The following MMAA variants were observed in gnomAD, a reference collection of about 807,000 sequenced individuals.
MMAA encodes metabolism of cobalamin associated A, also known as methylmalonic aciduria type A protein, mitochondrial.
In MMAA, 41 loss-of-function variants were observed where a neutral mutation model predicts 45.0. That is an observed-to-expected ratio of 0.91 (90% CI 0.71 to 1.18). The LOEUF (loss-of-function observed/expected upper bound fraction) is 1.18. MMAA is among the 50% of genes most tolerant of loss of function. MMAA has a pLI of 0.00. For synonymous variants in MMAA, 154 were observed against 178.2 expected, an observed-to-expected ratio of 0.86 and a Z score of 1.08; for missense variants, 460 against 495.7, an observed-to-expected ratio of 0.93 and a Z score of 0.68.
chr4:145,624,454 T>C, intron 1 of MMAA: 3 of 834,272 alleles, frequency 3.6e-6, no homozygotes, highest in Non-Finnish European at 6.1e-6. Context: ...TTGCCAGCTT[T>C]GTCTTCAGTA....
In MMAA at chr4:145,659,138, G is replaced by T. The variant is rs1215456971; in HGVS notation, c.*3704G>T. 6.6e-6 allele frequency: 1 copy of T among 151,900 alleles called. No individual in the cohort carries two copies. Among genetic ancestry groups the T allele is most frequent in the African/African-American group, 2.4e-5 (1 of 41,344 alleles). 9.4% of individuals were successfully genotyped at this position (151,900 alleles called of 1,614,324 possible). On this transcript the variant is annotated 3_prime_UTR_variant, in exon 7 of 7. Transcript: ENST00000649156. ...CAATCAGAAAAACTCTTTAACAAATGTTTTTCTTTCCGTAGTATTTTAATT... is the reference window on the plus strand; with the variant it reads ...CAATCAGAAAAACTCTTTAACAAATTTTTTTCTTTCCGTAGTATTTTAATT...
intron 1 of MMAA, among the ~76,000 whole-genome samples, chr4:145,632,390 A>G (rs1006154624): frequency 3.3e-5 from 5 of 151,918 alleles, no homozygotes; most frequent in African/African-American, 1.2e-4. Context: ...GCTCCATTGT[A>G]TGTTGTTTGT....
At chr4:145,646,935 A>G (rs993531932) in intron 4 of MMAA, among the ~76,000 whole-genome samples, 2 of 152,212 alleles carry the variant, frequency 1.3e-5, no homozygotes, top group African/African-American at 4.8e-5. Flanking sequence ...CTTACATGCC[A>G]TGCCAAGGAG....
rs1727669756 is a variant in MMAA, at chr4:145,638,127, T to C, written c.-65-948T>C. On this transcript the variant is annotated intron_variant, in intron 1 of 6. Transcript: ENST00000649156. The stretch of plus-strand genomic sequence containing the variant: ...GCTCATGCCTGTAATCCCAGCACTT[T>C]GGGAGGCCGAGGCGGGCGGCTCACG... Among the ~76,000 whole-genome samples the C allele has an allele frequency of 2.0e-5, 3 of 151,956 alleles. No individual in the cohort carries two copies. The South Asian group carries it at 6.2e-4, about 32-fold the overall frequency.
intron 4 of MMAA, among the ~76,000 whole-genome samples, chr4:145,647,633 G>C (rs573290277): frequency 3.3e-4 from 50 of 152,254 alleles, no homozygotes; most frequent in African/African-American, 1.2e-3. Flanking sequence ...CCTTTGTCTT[G>C]TAGATAGATG....
At chr4:145,637,584 T>C (rs1315284707) in intron 1 of MMAA, among the ~76,000 whole-genome samples, 1 of 152,184 alleles carries the variant, frequency 6.6e-6, no homozygotes, top group Non-Finnish European at 1.5e-5. Context: ...TAATTTCATG[T>C]TCATCGGCCT....
At chr4:145,643,843 T>C (rs914923356) in intron 3 of MMAA, among the ~76,000 whole-genome samples, 1 of 152,124 alleles carries the variant, frequency 6.6e-6, no homozygotes, top group Non-Finnish European at 1.5e-5. Context: ...TAGCTTGAGA[T>C]AATAATAGAC....
chr4:145,645,073 T>A (rs1378852454), intron 3 of MMAA, among the ~76,000 whole-genome samples: 2 of 152,196 alleles, frequency 1.3e-5, no homozygotes, highest in Non-Finnish European at 2.9e-5. Flanking sequence ...CTCCAAATTT[T>A]CTAAGTAGTA....
intron 4 of MMAA, among the ~76,000 whole-genome samples, chr4:145,648,607 T>C (rs1728006434): frequency 6.6e-6 from 1 of 152,118 alleles, no homozygotes; most frequent in Non-Finnish European, 1.5e-5. Flanking sequence ...AAAAACCAAA[T>C]ATATTACCTG....
At position 145,655,582 on chromosome 4, in the gene MMAA, T is replaced by C. The variant is rs1728207776; in HGVS notation, c.*148T>C. On this transcript the variant is annotated 3_prime_UTR_variant, in exon 7 of 7. Coordinates refer to ENST00000649156, the MANE Select transcript of MMAA (RefSeq NM_172250.3). The stretch of plus-strand genomic sequence containing the variant: ...CCCATGCTTGAAAACTTGAAGGAAG[T>C]TAGATATGAATGGCAAAAGTTAGGC... 5 of 772,494 alleles carry C rather than the reference T, an allele frequency of 6.5e-6. No individual in the cohort carries two copies. In the South Asian group the frequency reaches 8.2e-5, roughly 13 times the overall value. The allele number at this position is 772,494 out of a possible 1,614,324, so 47.9% of individuals were successfully genotyped here.
In MMAA at chr4:145,658,827, A is replaced by C. The variant is rs1728307715; in HGVS notation, c.*3393A>C. ...CCAGTAAACTGTGAAGACAGAAGTAACTCCTGTGATCTATATGTTTGTGCA... is the reference window on the plus strand; with the variant it reads ...CCAGTAAACTGTGAAGACAGAAGTACCTCCTGTGATCTATATGTTTGTGCA... On this transcript the variant is annotated 3_prime_UTR_variant, in exon 7 of 7. Coordinates refer to ENST00000649156, the MANE Select transcript of MMAA (RefSeq NM_172250.3). 6.6e-6 allele frequency: 1 copy of C among 152,164 alleles called. No homozygotes were observed. Among genetic ancestry groups the C allele is most frequent in the Admixed American group, 6.5e-5 (1 of 15,282 alleles). 9.4% of individuals were successfully genotyped at this position (152,164 alleles called of 1,614,324 possible). A position where few individuals can be genotyped will look rare whatever the true frequency, so the allele number is the denominator to read the frequency against.
intron 1 of MMAA, among the ~76,000 whole-genome samples, chr4:145,633,436 G>A (rs1727519213): frequency 1.3e-5 from 2 of 152,038 alleles, no homozygotes; most frequent in Admixed American, 1.3e-4. Flanking sequence ...GACCTCAGGT[G>A]ATCTGCCCAG....
intron 1 of MMAA, among the ~76,000 whole-genome samples, chr4:145,637,596 G>A (rs1376020996): frequency 1.3e-5 from 2 of 152,120 alleles, no homozygotes; most frequent in Admixed American, 1.3e-4. Flanking sequence ...CATCGGCCTT[G>A]AAGTGCCATT....
intron 6 of MMAA, 114 bp from the exon 7 acceptor site, chr4:145,655,031 CTT>C: frequency 1.8e-6 from 2 of 1,094,320 alleles, no homozygotes; most frequent in South Asian, 2.8e-5. Context: ...AAATCTCACT[CTT>C]GTCAATTGCC....
Position 145,655,264 on chromosome 4 carries a change from CAG to C in MMAA, c.1089_1090del (p.Lys364SerfsTer51). 1 of 1,614,098 alleles carries C rather than the reference CAG, an allele frequency of 6.2e-7. No individual in the cohort carries two copies. Among genetic ancestry groups the C allele is most frequent in the Non-Finnish European group, 8.5e-7 (1 of 1,180,024 alleles). ...GCTGACTGCCAAACGACGGAAGCAA[CAG>C]AAAGTTTGGATGTGGAATCTCATTC... ...GELTAKRRKQ[Q>X]KVWMWNLIQE... On this transcript the variant is annotated frameshift_variant, in exon 7 of 7. Transcript: ENST00000649156. LOFTEE classifies it high-confidence loss of function.
At chr4:145,647,636 G>A (rs569770396) in intron 4 of MMAA, among the ~76,000 whole-genome samples, 3 of 152,266 alleles carry the variant, frequency 2.0e-5, no homozygotes, top group African/African-American at 7.2e-5. Context: ...TTGTCTTGTA[G>A]ATAGATGGCT....
At position 145,659,384 on chromosome 4, in the gene MMAA, A is replaced by T. The variant is rs1403168959; in HGVS notation, c.*3950A>T. On this transcript the variant is annotated 3_prime_UTR_variant, in exon 7 of 7. Transcript: ENST00000649156. ...CACTCTGTACTAGAAAATGTAGATG[A>T]TGTGAGTCAAAGTTCATTAATATTT... The T allele has an allele frequency of 6.6e-6, 1 of 152,172 alleles. No individual in the cohort carries two copies. Among genetic ancestry groups the T allele is most frequent in the East Asian group, 1.9e-4 (1 of 5,188 alleles). The allele number at this position is 152,172 out of a possible 1,614,324, so 9.4% of individuals were successfully genotyped here. A position where few individuals can be genotyped will look rare whatever the true frequency, so the allele number is the denominator to read the frequency against.
intron 1 of MMAA, chr4:145,624,942 A>T (rs1483208837): frequency 1.6e-6 from 2 of 1,240,462 alleles, no homozygotes; most frequent in African/African-American, 3.0e-5. Flanking sequence ...ACGTTTTCCA[A>T]CTCCATACCT....
chr4:145,627,331 C>A (rs1273130335), intron 1 of MMAA, among the ~76,000 whole-genome samples: 1 of 152,106 alleles, frequency 6.6e-6, no homozygotes, highest in East Asian at 1.9e-4. Flanking sequence ...TGTCTTGATT[C>A]AAAACAGGAA....
Sources: allele counts gnomAD v4.1 joint callset (sites outside exome capture counted in the v4.1 genomes callset), GRCh38; gene constraint gnomAD v4.1.1; transcripts MANE v1.5; gene names NCBI Gene and HGNC (gene_info 2026-07-23, HGNC 2026-07-21).